Variants in CCSER1 observed in about 807,000 individuals in gnomAD.
The protein encoded by CCSER1 is coiled-coil serine rich protein 1.
In CCSER1, 41 loss-of-function variants were observed where a neutral mutation model predicts 82.0. The ratio of observed to expected loss-of-function variants is 0.50; its 90% CI spans 0.39 to 0.65. The LOEUF (loss-of-function observed/expected upper bound fraction) is 0.65, where lower values mean the gene tolerates loss of function less well. Among genes scored for constraint, CCSER1 ranks in the 30% least tolerant of loss-of-function variants. The pLI is 0.00. For missense variants in CCSER1, 1,119 were observed against 1,064.2 expected (o/e 1.05, Z -0.72); for synonymous variants, 414 against 383.9 (o/e 1.08, Z -0.92).
chr4:90,946,412 C>G (rs1732246579), intron 9 of CCSER1, among the ~76,000 whole-genome samples: 1 of 152,138 alleles, frequency 6.6e-6, no homozygotes, highest in Non-Finnish European at 1.5e-5. Flanking sequence ...GGGTGTATCA[C>G]TCGAGATTAG....
intron 7 of CCSER1, among the ~76,000 whole-genome samples, chr4:90,747,678 T>A (rs1012276867): frequency 6.6e-6 from 1 of 152,090 alleles, no homozygotes; most frequent in Non-Finnish European, 1.5e-5. Flanking sequence ...ATACTTTAAG[T>A]TTTAGGGTAC....
intron 9 of CCSER1, among the ~76,000 whole-genome samples, chr4:91,001,288 T>C (rs1267843570): frequency 2.0e-5 from 3 of 152,172 alleles, no homozygotes; most frequent in African/African-American, 7.2e-5. Flanking sequence ...AACTTTTTGA[T>C]GTACTGTGGA....
intron 5 of CCSER1, among the ~76,000 whole-genome samples, chr4:90,625,259 C>T (rs1191834693): frequency 1.3e-5 from 2 of 152,154 alleles, no homozygotes; most frequent in Non-Finnish European, 2.9e-5. Context: ...ATTTTCTTGT[C>T]AACCACAAGG....
At chr4:90,448,391 C>T (rs1222431479) in intron 4 of CCSER1, among the ~76,000 whole-genome samples, 1 of 140,718 alleles carries the variant, frequency 7.1e-6, no homozygotes, top group East Asian at 2.1e-4. Context: ...AGAAACATAA[C>T]TGGGAGAGTC....
intron 6 of CCSER1, among the ~76,000 whole-genome samples, chr4:90,669,155 A>G (rs1732336628): frequency 6.6e-6 from 1 of 152,078 alleles, no homozygotes; most frequent in Admixed American, 6.6e-5. Context: ...ACACACAGAT[A>G]CAAATAGAAA....
intron 4 of CCSER1, among the ~76,000 whole-genome samples, chr4:90,424,363 C>A (rs1167812838): frequency 2.0e-5 from 3 of 152,092 alleles, no homozygotes; most frequent in African/African-American, 4.8e-5. Context: ...GCCTCCATTT[C>A]TCATTATACA....
rs70963065 is a variant in CCSER1 at position 90,391,504 on chromosome 4, AATATATATAT to A, written c.1510-8514_1510-8505del. Among the ~76,000 whole-genome samples, 80 of 79,416 alleles carry A rather than the reference AATATATATAT, an allele frequency of 1.0e-3. 2 individuals carry two copies. Among genetic ancestry groups the A allele is most frequent in the South Asian group, 4.7e-3 (10 of 2,140 alleles). 52.1% of individuals were successfully genotyped at this position (79,416 alleles called of 152,430 possible). ...TATATATACACACACACAGTGGGTA[AATATATATAT>A]ATATATATATATATATACTGTGTAC... On this transcript the variant is annotated intron_variant, in intron 3 of 10. Transcript: ENST00000509176.
At chr4:91,064,282 C>G (rs1183646771) in intron 9 of CCSER1, among the ~76,000 whole-genome samples, 4 of 152,138 alleles carry the variant, frequency 2.6e-5, no homozygotes, top group Non-Finnish European at 5.9e-5. Flanking sequence ...AGAATACCCA[C>G]ATGTTTGCAA....
At chr4:90,642,891 CTG>C (rs1048431825) in intron 6 of CCSER1, among the ~76,000 whole-genome samples, 1 of 105,402 alleles carries the variant, frequency 9.5e-6, no homozygotes, top group Admixed American at 9.5e-5. Flanking sequence ...GCATTATTTT[CTG>C]TTTTTTTTTT....
At chr4:90,721,521 G>A (rs1209088647) in intron 6 of CCSER1, among the ~76,000 whole-genome samples, 1 of 151,748 alleles carries the variant, frequency 6.6e-6, no homozygotes, top group African/African-American at 2.4e-5. Flanking sequence ...AGCAGATGAA[G>A]CCATAATTCT....
At chr4:90,960,272 C>A (rs1733933437) in intron 9 of CCSER1, among the ~76,000 whole-genome samples, 1 of 152,188 alleles carries the variant, frequency 6.6e-6, no homozygotes, top group East Asian at 1.9e-4. Flanking sequence ...AGACATTATT[C>A]TGAAATGGAT....
intron 9 of CCSER1, among the ~76,000 whole-genome samples, chr4:91,041,974 A>C (rs1332125541): frequency 6.6e-6 from 1 of 152,190 alleles, no homozygotes; most frequent in Non-Finnish European, 1.5e-5. Context: ...GAAACTATCC[A>C]TGGTCTTCCT....
At chr4:90,481,899 G>A (rs1766047967) in intron 5 of CCSER1, among the ~76,000 whole-genome samples, 1 of 152,192 alleles carries the variant, frequency 6.6e-6, no homozygotes, top group African/African-American at 2.4e-5. Context: ...ACGAGTTAGG[G>A]AGGATTCCCT....
chr4:90,755,329 TA>T (rs1749331829), intron 7 of CCSER1, among the ~76,000 whole-genome samples: 1 of 152,186 alleles, frequency 6.6e-6, no homozygotes, highest in Admixed American at 6.5e-5. Context: ...GGCATAAGTT[TA>T]TTTTCCCATA....
chr4:90,474,015 C>A (rs1383318090), intron 5 of CCSER1, among the ~76,000 whole-genome samples: 3 of 152,068 alleles, frequency 2.0e-5, no homozygotes, highest in Admixed American at 1.3e-4. Flanking sequence ...GTGGCGCACG[C>A]CTATAGTTCC....
At chr4:91,558,204 A>AT (rs1226026669) in intron 10 of CCSER1, among the ~76,000 whole-genome samples, 1 of 151,536 alleles carries the variant, frequency 6.6e-6, no homozygotes, top group East Asian at 1.9e-4. Flanking sequence ...CAAAGGATAT[A>AT]TTCTCTTCCA....
At chr4:90,920,277 A>G (rs1166594664) in intron 8 of CCSER1, among the ~76,000 whole-genome samples, 2 of 151,970 alleles carry the variant, frequency 1.3e-5, no homozygotes, top group African/African-American at 4.8e-5. Context: ...TTCCATCCTC[A>G]TTCAGTTAAA....
chr4:91,195,887 A>AG, intron 10 of CCSER1, among the ~76,000 whole-genome samples: 24 of 151,840 alleles, frequency 1.6e-4, no homozygotes, highest in African/African-American at 5.3e-4. Flanking sequence ...ACAACTCTTC[A>AG]TGACTCCACC....
chr4:90,632,355 C>T (rs1427276663), intron 6 of CCSER1, among the ~76,000 whole-genome samples: 1 of 152,120 alleles, frequency 6.6e-6, no homozygotes, highest in Admixed American at 6.6e-5. Flanking sequence ...TAAAAATTTT[C>T]ATCAAGTAAT....
Sources: gnomAD v4.1 joint callset for allele counts (sites outside exome capture counted in the v4.1 genomes callset) on GRCh38, gnomAD v4.1.1 for gene constraint, MANE v1.5 for transcripts, NCBI Gene and HGNC (gene_info 2026-07-23, HGNC 2026-07-21) for gene names.